The following MRPL21 variants were observed in gnomAD, a reference collection of about 807,000 sequenced individuals.
MRPL21 encodes the protein large ribosomal subunit protein bL21m.
Under a neutral mutation model 27.3 loss-of-function variants are expected in MRPL21, and 20 were observed. The observed-to-expected ratio is 0.73, with a 90% CI of 0.52 to 1.06. The LOEUF (loss-of-function observed/expected upper bound fraction) is 1.06. Ranked by LOEUF, MRPL21 falls within the 50% of genes least tolerant of loss-of-function variation. The pLI, the probability that MRPL21 is intolerant of heterozygous loss-of-function variation, is 0.00. For synonymous variants in MRPL21, 98 were observed against 101.5 expected, an observed-to-expected ratio of 0.97 and a Z score of 0.21; for missense variants, 249 against 251.4, an observed-to-expected ratio of 0.99 and a Z score of 0.06.
intron 6 of MRPL21, 36 bp downstream of exon 6, chr11:68,892,854 G>A (rs776870881): frequency 1.1e-5 from 17 of 1,597,024 alleles, no homozygotes; most frequent in Middle Eastern, 1.6e-4. Context: ...AACCAGCACC[G>A]TGCAACAGGG....
chr11:68,902,219 T>C (rs594051), intron 1 of MRPL21, among the ~76,000 whole-genome samples: 89,934 of 152,064 alleles, frequency 0.59, 26,762 homozygotes, highest in South Asian at 0.67. Flanking sequence ...TCTCTCCTAA[T>C]GCGTGAGTCT....
Position 68,903,751 on chromosome 11 carries a change from G to A in MRPL21, c.60C>T (p.Ser20=). Residue 20 remains serine (S), a synonymous_variant, in exon 1 of 7, where the codon AGC becomes AGT. Coordinates refer to ENST00000362034, the MANE Select transcript of MRPL21 (RefSeq NM_181514.2). ...CTCCGGGCCCCGAAGGTCTCAGGATGCTGTGGCTGCACGCGGACGCCAGCC... is the reference window on the plus strand; with the variant it reads ...CTCCGGGCCCCGAAGGTCTCAGGATACTGTGGCTGCACGCGGACGCCAGCC... ...LGRLASACSH[S]ILRPSGPGAA... 2 of 1,613,248 alleles carry A rather than the reference G, an allele frequency of 1.2e-6. No homozygotes were observed. Among genetic ancestry groups the A allele is most frequent in the Non-Finnish European group, 1.7e-6 (2 of 1,180,028 alleles).
intron 2 of MRPL21, among the ~76,000 whole-genome samples, chr11:68,898,358 TCTACTTTCCCCACAAC>T (rs1205940837): frequency 1.3e-5 from 2 of 152,208 alleles, no homozygotes; most frequent in Non-Finnish European, 2.9e-5. Context: ...ACAGGCTGCC[TCTACTTTCCCCACAAC>T]CCAGGACACA....
intron 4 of MRPL21, among the ~76,000 whole-genome samples, chr11:68,896,309 C>T (rs1040902398): frequency 3.9e-5 from 6 of 152,232 alleles, no homozygotes; most frequent in Admixed American, 1.3e-4. Flanking sequence ...GGCCAGGCAC[C>T]GCCCTCAGAG....
chr11:68,893,453 G>C lies in MRPL21; in HGVS notation c.399C>G (p.Val133=). ...ACGERIRLEK[V]LLVGADNFTL... ...TGAAGTTGTCTGCCCCAACCAGCAGGACCTGAAAAATTCAACAGGTGTGTT... is the reference window on the plus strand; with the variant it reads ...TGAAGTTGTCTGCCCCAACCAGCAGCACCTGAAAAATTCAACAGGTGTGTT... Residue 133 remains valine, a splice_region_variant and synonymous_variant, in exon 5 of 7, where the codon GTC becomes GTG. Coordinates refer to ENST00000362034, the MANE Select transcript of MRPL21 (RefSeq NM_181514.2). The C allele has an allele frequency of 6.2e-7, 1 of 1,614,182 alleles. No homozygotes were observed. The highest frequency in any genetic ancestry group is 8.5e-7 in the Non-Finnish European group (1 of 1,180,038).
chr11:68,900,051 A>C (rs541726828), intron 2 of MRPL21, among the ~76,000 whole-genome samples: 1 of 152,342 alleles, frequency 6.6e-6, no homozygotes, highest in African/African-American at 2.4e-5. Flanking sequence ...CAGTGAGTGG[A>C]ACTTTGTCGA....
chr11:68,901,913 C>A (rs1349927147), intron 1 of MRPL21, among the ~76,000 whole-genome samples: 1 of 152,206 alleles, frequency 6.6e-6, no homozygotes, highest in Non-Finnish European at 1.5e-5. Flanking sequence ...CCCAGTTGCT[C>A]AGGCCCCAAA....
At chr11:68,895,924 C>T (rs1332353905) in intron 4 of MRPL21, among the ~76,000 whole-genome samples, 1 of 152,148 alleles carries the variant, frequency 6.6e-6, no homozygotes, top group African/African-American at 2.4e-5. Flanking sequence ...AAGCAATCCC[C>T]CACCTTGGCC....
At chr11:68,894,012 C>T (rs989392500) in intron 4 of MRPL21, among the ~76,000 whole-genome samples, 4 of 151,144 alleles carry the variant, frequency 2.6e-5, no homozygotes, top group South Asian at 2.1e-4. Context: ...GGCGACAGAG[C>T]GAGACTCTGT....
rs1857669772 is a variant in MRPL21, at chr11:68,892,557, GGGTC to G, written c.553+329_553+332del. ...GGTGGAGGAGAAGGGGAGCGAGGTG[GGGTC>G]ATGCGCGGAGGGTGGAGGAGAAGGG... On this transcript the variant is annotated intron_variant, in intron 6 of 6. Transcript: ENST00000362034. 2 of 522,032 alleles carry G rather than the reference GGGTC, an allele frequency of 3.8e-6. 1 individual carries two copies. Among genetic ancestry groups the G allele is most frequent in the Non-Finnish European group, 5.1e-6 (2 of 390,080 alleles). The allele number at this position is 522,032 out of a possible 1,614,324, so 32.3% of individuals were successfully genotyped here.
At chr11:68,896,768 TAGGGTGGACCTGACAG>T in intron 3 of MRPL21, 90 bp from the exon 4 acceptor site, 1 of 1,546,840 alleles carries the variant, frequency 6.5e-7, no homozygotes, top group Non-Finnish European at 8.8e-7. Context: ...GGTGGGGCCC[TAGGGTGGACCTGACAG>T]CCAGCACCCC....
intron 6 of MRPL21, 107 bp from the exon 7 acceptor site, chr11:68,891,502 G>T: frequency 9.7e-7 from 1 of 1,029,086 alleles, no homozygotes; most frequent in Non-Finnish European, 1.5e-6. Flanking sequence ...CCCCGGCAAC[G>T]TCCCCTGCTG....
At chr11:68,902,876 G>A (rs1311798000) in intron 1 of MRPL21, among the ~76,000 whole-genome samples, 1 of 151,354 alleles carries the variant, frequency 6.6e-6, no homozygotes, top group Non-Finnish European at 1.5e-5. Context: ...TTTCCAGAAT[G>A]TCATAGTGGG....
At chr11:68,895,279 A>AC (rs1378209284) in intron 4 of MRPL21, among the ~76,000 whole-genome samples, 1 of 151,900 alleles carries the variant, frequency 6.6e-6, no homozygotes, top group African/African-American at 2.4e-5. Context: ...AAACAAACAA[A>AC]AAAAAAGAGT....
At chr11:68,894,499 G>T (rs1232905495) in intron 4 of MRPL21, among the ~76,000 whole-genome samples, 1 of 152,130 alleles carries the variant, frequency 6.6e-6, no homozygotes, top group Non-Finnish European at 1.5e-5. Context: ...TGGCTAGGCT[G>T]GTCTCAAACT....
intron 4 of MRPL21, 123 bp downstream of exon 4, chr11:68,896,392 G>T: frequency 7.7e-7 from 1 of 1,290,612 alleles, no homozygotes; most frequent in Non-Finnish European, 1.1e-6. Context: ...CTGAGCCTCA[G>T]CTTTGTTGGC....
chr11:68,898,063 T>C (rs1253458437), intron 2 of MRPL21, 51 bp from the exon 3 acceptor site: 2 of 1,436,250 alleles, frequency 1.4e-6, no homozygotes, highest in Admixed American at 3.4e-5. Flanking sequence ...AAAAGGCAGC[T>C]CAAATCCTCT....
chr11:68,900,917 C>T (rs138214303), intron 1 of MRPL21, among the ~76,000 whole-genome samples: 33 of 152,368 alleles, frequency 2.2e-4, no homozygotes, highest in African/African-American at 7.9e-4. Context: ...TGGGAGCAGC[C>T]TCCAAGATGG....
chr11:68,901,180 C>T (rs1405068754), intron 1 of MRPL21, among the ~76,000 whole-genome samples: 3 of 152,170 alleles, frequency 2.0e-5, no homozygotes. Flanking sequence ...CCCATGGGAA[C>T]GACCTTGCAG....
Sources: gnomAD v4.1 joint callset for allele counts (sites outside exome capture counted in the v4.1 genomes callset) on GRCh38, gnomAD v4.1.1 for gene constraint, MANE v1.5 for transcripts, NCBI Gene and HGNC (gene_info 2026-07-23, HGNC 2026-07-21) for gene names.